Variants in RHOT1 observed in about 807,000 individuals in gnomAD.
RHOT1 encodes ras homolog family member T1.
In RHOT1, 27 loss-of-function variants were observed where a neutral mutation model predicts 95.3. That is an observed-to-expected ratio of 0.28 (90% CI 0.21 to 0.39). The LOEUF (loss-of-function observed/expected upper bound fraction) is 0.39. Among genes scored for constraint, RHOT1 ranks in the 10% least tolerant of loss-of-function variants. The pLI, the probability that RHOT1 is intolerant of heterozygous loss-of-function variation, is 1.00. For missense variants in RHOT1, 578 were observed against 786.7 expected (o/e 0.73, Z 3.17); for synonymous variants, 227 against 263.5 (o/e 0.86, Z 1.34).
chr17:32,200,109 T>C (rs2037201335), intron 13 of RHOT1, among the ~76,000 whole-genome samples: 1 of 152,098 alleles, frequency 6.6e-6, no homozygotes, highest in Non-Finnish European at 1.5e-5. Context: ...TCTGTATCAA[T>C]AAGTATACTT....
chr17:32,155,964 A>G (rs1256131690), intron 1 of RHOT1, among the ~76,000 whole-genome samples: 1 of 152,210 alleles, frequency 6.6e-6, no homozygotes, highest in African/African-American at 2.4e-5. Context: ...ATCAGGATGT[A>G]CTACTATGAA....
At chr17:32,186,298 T>G (rs1324950598) in intron 8 of RHOT1, among the ~76,000 whole-genome samples, 1 of 152,184 alleles carries the variant, frequency 6.6e-6, no homozygotes, top group Non-Finnish European at 1.5e-5. Flanking sequence ...TGTTGTGTAA[T>G]TTTTCATGTG....
intron 18 of RHOT1, 38 bp downstream of exon 18, chr17:32,208,347 T>C: frequency 6.5e-7 from 1 of 1,550,170 alleles, no homozygotes; most frequent in Non-Finnish European, 8.9e-7. Context: ...GTTGCATGGT[T>C]CATAACATTG....
chr17:32,192,254 A>G lies in RHOT1; in HGVS notation c.594A>G (p.Gln198=). 1 of 1,589,468 alleles carries G rather than the reference A, an allele frequency of 6.3e-7. No individual in the cohort carries two copies. Among genetic ancestry groups the G allele is most frequent in the Middle Eastern group, 1.7e-4 (1 of 6,006 alleles). Residue 198 remains glutamine (Q), a synonymous_variant, in exon 9 of 20, where the codon CAA becomes CAG. Coordinates refer to ENST00000545287, the MANE Select transcript of RHOT1 (RefSeq NM_001033566.3). The stretch of plus-strand genomic sequence containing the variant: ...CTCGTATATTTAAAATATCTGATCA[A>G]GATAATGATGGTACTCTCAATGATG... ...ALTRIFKISD[Q]DNDGTLNDAE... is the part of the protein sequence containing the mutation.
chr17:32,211,312 A>G, intron 19 of RHOT1, 74 bp downstream of exon 19: 3 of 1,372,480 alleles, frequency 2.2e-6, no homozygotes, highest in Non-Finnish European at 2.9e-6. Context: ...ACTATTTATT[A>G]TACAGATACT....
chr17:32,188,747 C>T (rs551511171), intron 8 of RHOT1, among the ~76,000 whole-genome samples: 8 of 152,204 alleles, frequency 5.3e-5, no homozygotes, highest in African/African-American at 1.9e-4. Context: ...TTCTTTCTTA[C>T]TATGTAAGTA....
chr17:32,204,029 ACT>A (rs2037517282), intron 16 of RHOT1, 56 bp downstream of exon 16: 2 of 1,216,434 alleles, frequency 1.6e-6, no homozygotes, highest in Non-Finnish European at 2.4e-6. Context: ...TTTTTAAATG[ACT>A]CTTTGAAAAC....
At chr17:32,150,624 A>T in intron 1 of RHOT1, 1 of 1,590,286 alleles carries the variant, frequency 6.3e-7, no homozygotes, top group Non-Finnish European at 8.6e-7. Flanking sequence ...AGAGATACTG[A>T]TACAGACAGT....
Position 32,186,856 on chromosome 17 carries a change from C to T in RHOT1, c.540+3584C>T, listed in dbSNP as rs1310505665. 2.0e-5 allele frequency among the ~76,000 whole-genome samples: 3 copies of T among 152,268 alleles called. No individual in the cohort carries two copies. The East Asian group carries it at 5.8e-4, about 29-fold the overall frequency. On this transcript the variant is annotated intron_variant, in intron 8 of 19. Transcript: ENST00000545287. ...TTAATTTTTTTTGTAAAGAGGGGGT[C>T]TCGCTGAGTTGCCCAAGGTGGTCTT...
At chr17:32,178,339 G>C (rs978758013) in intron 6 of RHOT1, among the ~76,000 whole-genome samples, 1 of 151,952 alleles carries the variant, frequency 6.6e-6, no homozygotes, top group South Asian at 2.1e-4. Flanking sequence ...TTCCAGGCAC[G>C]TGCCACCACT....
chr17:32,183,060 T>C (rs1434776521), intron 7 of RHOT1, 111 bp from the exon 8 acceptor site: 8 of 883,168 alleles, frequency 9.1e-6, no homozygotes, highest in Middle Eastern at 3.4e-4. Flanking sequence ...TCCACAAAGA[T>C]GCATTTTTCG....
intron 19 of RHOT1, among the ~76,000 whole-genome samples, chr17:32,214,736 T>A (rs1567729582): frequency 6.6e-6 from 1 of 150,634 alleles, no homozygotes; most frequent in Non-Finnish European, 1.5e-5. Context: ...AAAGATTGAT[T>A]GACTAAGTAA....
chr17:32,189,080 A>T (rs1001355539), intron 8 of RHOT1, among the ~76,000 whole-genome samples: 6 of 152,194 alleles, frequency 3.9e-5, no homozygotes, highest in Non-Finnish European at 7.4e-5. Flanking sequence ...CGGGTGGATC[A>T]TGAGGTAGGA....
chr17:32,171,236 T>G, intron 2 of RHOT1, 135 bp downstream of exon 2: 1 of 603,380 alleles, frequency 1.7e-6, no homozygotes, highest in Non-Finnish European at 2.9e-6. Flanking sequence ...TCTCCCTTCT[T>G]TAGAGACAGG....
chr17:32,190,453 T>G (rs2036405309), intron 8 of RHOT1, among the ~76,000 whole-genome samples: 1 of 150,766 alleles, frequency 6.6e-6, no homozygotes, highest in Admixed American at 6.6e-5. Flanking sequence ...AGATTCTGTC[T>G]CAAAAAAAAA....
At chr17:32,209,366 G>A (rs2037973610) in intron 18 of RHOT1, 1 of 1,608,846 alleles carries the variant, frequency 6.2e-7, no homozygotes, top group African/African-American at 1.3e-5. Flanking sequence ...TCATTACAGA[G>A]ACAGACTCTC....
intron 19 of RHOT1, among the ~76,000 whole-genome samples, chr17:32,215,237 G>T (rs2038396900): frequency 6.6e-6 from 1 of 152,080 alleles, no homozygotes; most frequent in South Asian, 2.1e-4. Flanking sequence ...TGTCTACAAA[G>T]AATTAAATTA....
intron 7 of RHOT1, 117 bp from the exon 8 acceptor site, chr17:32,183,054 C>A: frequency 1.2e-6 from 1 of 835,280 alleles, no homozygotes; most frequent in Non-Finnish European, 1.9e-6. Flanking sequence ...GTGATGTCCA[C>A]AAAGATGCAT....
chr17:32,175,838 T>G (rs2034960415), intron 4 of RHOT1, 124 bp from the exon 5 acceptor site: 1 of 598,104 alleles, frequency 1.7e-6, no homozygotes. Context: ...CTTTTTTTGT[T>G]TTTTTGTTTT....
Sources: gnomAD v4.1 joint callset for allele counts (sites outside exome capture counted in the v4.1 genomes callset) on GRCh38, gnomAD v4.1.1 for gene constraint, MANE v1.5 for transcripts, NCBI Gene and HGNC (gene_info 2026-07-23, HGNC 2026-07-21) for gene names.